The following DNAI1 variants were observed in gnomAD, a reference collection of about 807,000 sequenced individuals.
DNAI1 encodes the protein dynein, axonemal, intermediate polypeptide 1.
A neutral mutation model predicts 92.0 loss-of-function variants in DNAI1; 67 were observed. The ratio of observed to expected loss-of-function variants is 0.73; its 90% CI spans 0.60 to 0.89. DNAI1 has a LOEUF of 0.89. Among genes scored for constraint, DNAI1 ranks in the 40% least tolerant of loss-of-function variants. The probability of loss-of-function intolerance (pLI) is 0.00; values close to 1 mark genes in which losing one functional copy is unlikely to be tolerated. For missense variants in DNAI1, 839 were observed against 866.6 expected (o/e 0.97, Z 0.40); for synonymous variants, 323 against 319.6 (o/e 1.01, Z -0.11).
chr9:34,485,079 C>A, intron 2 of DNAI1, 63 bp from the exon 3 acceptor site: 1 of 1,541,538 alleles, frequency 6.5e-7, no homozygotes. Context: ...AATGAAGGGG[C>A]TTTCTGTATG....
intron 2 of DNAI1, 133 bp from the exon 3 acceptor site, chr9:34,485,009 T>G (rs1215371314): frequency 2.4e-6 from 2 of 845,582 alleles, no homozygotes; most frequent in Admixed American, 3.9e-5. Context: ...ATGAGTGGTA[T>G]GTTATACATT....
intron 12 of DNAI1, among the ~76,000 whole-genome samples, chr9:34,502,479 T>A (rs1824850303): frequency 1.3e-5 from 2 of 151,576 alleles, no homozygotes; most frequent in Admixed American, 1.3e-4. Context: ...GAAGCAGGGG[T>A]GTAGGGGTTG....
At chr9:34,471,730 A>G (rs890083053) in intron 1 of DNAI1, among the ~76,000 whole-genome samples, 1 of 152,078 alleles carries the variant, frequency 6.6e-6, no homozygotes, top group Non-Finnish European at 1.5e-5. Context: ...AGATCAAGCC[A>G]TTGCACTCCA....
intron 1 of DNAI1, among the ~76,000 whole-genome samples, chr9:34,480,557 G>A (rs905024179): frequency 1.3e-5 from 2 of 151,842 alleles, no homozygotes; most frequent in African/African-American, 4.8e-5. Flanking sequence ...ATGAGCCACC[G>A]CGCCTGGCCA....
At chr9:34,501,859 G>A (rs1824837889) in intron 12 of DNAI1, among the ~76,000 whole-genome samples, 1 of 152,176 alleles carries the variant, frequency 6.6e-6, no homozygotes, top group African/African-American at 2.4e-5. Flanking sequence ...CCCACCCAAG[G>A]CAGGAAGGCA....
At chr9:34,467,884 A>T (rs1303668806) in intron 1 of DNAI1, among the ~76,000 whole-genome samples, 1 of 152,222 alleles carries the variant, frequency 6.6e-6, no homozygotes, top group African/African-American at 2.4e-5. Flanking sequence ...CTCTCTGCCT[A>T]AGGACAATTT....
At position 34,514,511 on chromosome 9, in the gene DNAI1, T is replaced by C; in HGVS notation, c.1687T>C (p.Trp563Arg). The change falls in exon 17 of 20, where the codon TGG (tryptophan) becomes CGG (arginine). Residue 563 changes from tryptophan to arginine, a missense_variant. By Grantham distance (101) the Trp-to-Arg change is moderately radical. Transcript: ENST00000242317. ...TKVFMSCSSD[W>R]TVKIWDHTIK... The stretch of plus-strand genomic sequence containing the variant: ...GGTCTTCATGTCCTGCAGCTCCGAC[T>C]GGACAGTGAAGATCTGGGACCACAC... 6.2e-7 allele frequency: 1 copy of C among 1,614,232 alleles called. No homozygotes were observed. Among genetic ancestry groups the C allele is most frequent in the Non-Finnish European group, 8.5e-7 (1 of 1,180,034 alleles).
intron 10 of DNAI1, 150 bp from the exon 11 acceptor site, chr9:34,500,572 C>A (rs1259101492): frequency 7.4e-6 from 5 of 674,998 alleles, no homozygotes; most frequent in African/African-American, 7.1e-5. Context: ...TATATCCTCA[C>A]AACAGAACTC....
At chr9:34,489,645 C>T (rs1004854536) in intron 5 of DNAI1, among the ~76,000 whole-genome samples, 196 bp downstream of exon 5, 3 of 151,986 alleles carry the variant, frequency 2.0e-5, no homozygotes, top group African/African-American at 4.8e-5. Flanking sequence ...GTCAGGAGAT[C>T]GAGACCATCC....
At chr9:34,509,456 G>T (rs1461474002) in intron 13 of DNAI1, among the ~76,000 whole-genome samples, 2 of 152,158 alleles carry the variant, frequency 1.3e-5, no homozygotes, top group African/African-American at 2.4e-5. Context: ...ATTAAAAAGA[G>T]ATGAGAAAAT....
chr9:34,502,319 C>A (rs1824847318), intron 12 of DNAI1, among the ~76,000 whole-genome samples: 1 of 152,190 alleles, frequency 6.6e-6, no homozygotes, highest in Non-Finnish European at 1.5e-5. Flanking sequence ...TGCCCTCCCC[C>A]TCTGGCAGGG....
chr9:34,474,729 C>T (rs562086673), intron 1 of DNAI1, among the ~76,000 whole-genome samples: 55 of 151,750 alleles, frequency 3.6e-4, no homozygotes, highest in Non-Finnish European at 6.8e-4. Context: ...CCACCATGTC[C>T]GGCTAATTTT....
intron 12 of DNAI1, among the ~76,000 whole-genome samples, chr9:34,503,547 C>G (rs1188071093): frequency 1.3e-5 from 2 of 152,144 alleles, no homozygotes; most frequent in South Asian, 4.1e-4. Flanking sequence ...TTATGGTATT[C>G]CCAGATATTT....
In DNAI1 at chr9:34,520,712, G is replaced by A; in HGVS notation, c.2056G>A (p.Asp686Asn). 6.4e-7 allele frequency: 1 copy of A among 1,551,684 alleles called. No homozygotes were observed. Among genetic ancestry groups the A allele is most frequent in the East Asian group, 2.4e-5 (1 of 40,924 alleles). Residue 686 changes from aspartate to asparagine, a missense_variant, in exon 20 of 20, where the codon GAC becomes AAC. Coordinates refer to ENST00000242317, the MANE Select transcript of DNAI1 (RefSeq NM_012144.4). ...TCCAGCTGTGGAGATTGCGAAACTGGACAAACTGCTGAACCTGGTGAGGGA... is the reference window on the plus strand; with the variant it reads ...TCCAGCTGTGGAGATTGCGAAACTGAACAAACTGCTGAACCTGGTGAGGGA... ...KGPAVEIAKL[D>N]KLLNLVREVK...
At chr9:34,475,073 T>C (rs983850927) in intron 1 of DNAI1, among the ~76,000 whole-genome samples, 3 of 152,222 alleles carry the variant, frequency 2.0e-5, no homozygotes, top group Non-Finnish European at 4.4e-5. Context: ...AAACACTTAT[T>C]GAGTGCCTTC....
rs762694599 is a variant in DNAI1 at position 34,500,783 on chromosome 9, G to C, written c.963G>C (p.Pro321=). 6.2e-7 allele frequency: 1 copy of C among 1,614,108 alleles called. No individual in the cohort carries two copies. The highest frequency in any genetic ancestry group is 8.5e-7 in the Non-Finnish European group (1 of 1,180,012). ...GGGACCAGGTGGGTACCCTGCTGCC[G>C]CTCTGGAAGTTCCAAAATGACAAAG... is the stretch of plus-strand genomic sequence containing the variant. ...EYRDQVGTLL[P]LWKFQNDKAK... The change falls in exon 11 of 20, where the codon CCG becomes CCC. Residue 321 remains proline, a synonymous_variant. Transcript: ENST00000242317.
At chr9:34,478,608 A>G (rs1450506804) in intron 1 of DNAI1, 1 of 152,232 alleles carries the variant, frequency 6.6e-6, no homozygotes, top group East Asian at 1.9e-4. Context: ...CACAACAAGA[A>G]TGGAAAAATG....
chr9:34,483,243 T>C (rs1054548821), intron 1 of DNAI1, among the ~76,000 whole-genome samples: 15 of 152,218 alleles, frequency 9.9e-5, no homozygotes, highest in African/African-American at 3.6e-4. Context: ...AGTGGGGGGC[T>C]GAAGGGCTCC....
intron 1 of DNAI1, among the ~76,000 whole-genome samples, chr9:34,481,048 C>T (rs1350592505): frequency 6.6e-6 from 1 of 152,180 alleles, no homozygotes; most frequent in African/African-American, 2.4e-5. Context: ...CAATACCAGC[C>T]TGGCCAACCT....
Sources: allele counts gnomAD v4.1 joint callset (sites outside exome capture counted in the v4.1 genomes callset), GRCh38; gene constraint gnomAD v4.1.1; transcripts MANE v1.5; gene names NCBI Gene and HGNC (gene_info 2026-07-23, HGNC 2026-07-21).